Variants in SMAD6 observed in about 807,000 individuals in gnomAD.
SMAD6 encodes the protein MAD homolog 6.
SMAD6 carries 103 observed loss-of-function variants against 39.4 expected under a neutral mutation model. The ratio of observed to expected loss-of-function variants is 2.62; its 90% CI spans 2.23 to 3.08. The LOEUF (loss-of-function observed/expected upper bound fraction) is 3.08. Among genes scored for constraint, SMAD6 ranks in the 30% most tolerant of loss-of-function variants. SMAD6 has a pLI of 0.00. For missense variants in SMAD6, 1,104 were observed against 742.9 expected, an observed-to-expected ratio of 1.49 and a Z score of -5.65; for synonymous variants, 445 against 353.3, an observed-to-expected ratio of 1.26 and a Z score of -2.91.
intron 3 of SMAD6, chr15:66,717,537 A>T: frequency 2.3e-6 from 1 of 437,348 alleles, no homozygotes; most frequent in Non-Finnish European, 4.7e-6. Context: ...TTTCCCCTAA[A>T]GTCCTGTCGT....
Position 66,703,589 on chromosome 15 carries a change from G to C in SMAD6, c.331G>C (p.Gly111Arg). The C allele has an allele frequency of 8.1e-7, 1 of 1,227,248 alleles. No individual in the cohort carries two copies. Among genetic ancestry groups the C allele is most frequent in the Non-Finnish European group, 1.0e-6 (1 of 981,598 alleles). The allele number at this position is 1,227,248 out of a possible 1,614,324, so 76.0% of individuals were successfully genotyped here. Residue 111 changes from glycine to arginine, a missense_variant, in exon 1 of 4, where the codon GGA becomes CGA. Gly to Arg is a moderately radical substitution (Grantham distance 125). Transcript: ENST00000288840. ...GSSLLDVAEPGGPGWLPESDC... is the reference protein window; with the variant it reads ...GSSLLDVAEPRGPGWLPESDC... ...CTCCCTGCTGGACGTGGCGGAGCCGGGAGGCCCGGGCTGGCTGCCCGAGAG... is the reference window on the plus strand; with the variant it reads ...CTCCCTGCTGGACGTGGCGGAGCCGCGAGGCCCGGGCTGGCTGCCCGAGAG...
intron 3 of SMAD6, among the ~76,000 whole-genome samples, chr15:66,761,935 CCCCAGACACCAGAGT>C: frequency 1.3e-5 from 2 of 152,104 alleles, no homozygotes; most frequent in South Asian, 4.1e-4. Flanking sequence ...TGTGTGGATT[CCCCAGACACCAGAGT>C]CCATTTTGAA....
intron 1 of SMAD6, chr15:66,707,007 CTG>C (rs1255974724): frequency 2.0e-5 from 3 of 152,332 alleles, no homozygotes; most frequent in South Asian, 2.1e-4. Flanking sequence ...GTCTCGGAAA[CTG>C]GGGTCCTCAG....
chr15:66,769,130 C>T (rs1012630992), intron 3 of SMAD6, among the ~76,000 whole-genome samples: 3 of 152,100 alleles, frequency 2.0e-5, no homozygotes, highest in Admixed American at 1.3e-4. Flanking sequence ...GTTGTCAAGC[C>T]CTTCTCGAAA....
At chr15:66,762,886 G>T (rs1894224838) in intron 3 of SMAD6, among the ~76,000 whole-genome samples, 1 of 152,092 alleles carries the variant, frequency 6.6e-6, no homozygotes, top group Non-Finnish European at 1.5e-5. Context: ...AGGGGAAGAT[G>T]CAGAGGAGTT....
intron 3 of SMAD6, among the ~76,000 whole-genome samples, chr15:66,761,611 G>A (rs1474862906): frequency 1.3e-5 from 2 of 152,158 alleles, no homozygotes; most frequent in Non-Finnish European, 2.9e-5. Context: ...AGGACGGGGG[G>A]CCCTTCCTCC....
intron 3 of SMAD6, among the ~76,000 whole-genome samples, chr15:66,762,726 C>T (rs1349442213): frequency 6.6e-6 from 1 of 152,118 alleles, no homozygotes; most frequent in Admixed American, 6.5e-5. Context: ...TAAAGAATCC[C>T]TTCCATCAAC....
At chr15:66,778,395 C>G (rs1894503256) in intron 3 of SMAD6, among the ~76,000 whole-genome samples, 1 of 152,224 alleles carries the variant, frequency 6.6e-6, no homozygotes, top group South Asian at 2.1e-4. Context: ...GTCGCTTCCC[C>G]TGCCCCCTGT....
In SMAD6 at chr15:66,703,457, C is replaced by T; in HGVS notation, c.199C>T (p.Arg67Trp). The change falls in exon 1 of 4, where the codon CGG (arginine) becomes TGG (tryptophan). Residue 67 changes from arginine to tryptophan, a missense_variant. By Grantham distance (101) the Arg-to-Trp change is moderately radical. Transcript: ENST00000288840. Reference sequence around the variant, plus strand: ...CGAAGTCCGCCCGGTAGCCCCGCGGCGGCCCCGGGACGCAGTGGGACAGCG... The same window carrying T: ...CGAAGTCCGCCCGGTAGCCCCGCGGTGGCCCCGGGACGCAGTGGGACAGCG... ...RSEVRPVAPRRPRDAVGQRGA... is the reference protein window; with the variant it reads ...RSEVRPVAPRWPRDAVGQRGA... 1 of 1,270,784 alleles carries T rather than the reference C, an allele frequency of 7.9e-7. No individual in the cohort carries two copies. The allele number at this position is 1,270,784 out of a possible 1,614,324, so 78.7% of individuals were successfully genotyped here.
At chr15:66,704,175 G>T (rs565969878) in intron 1 of SMAD6, 100 bp downstream of exon 1, 406 of 997,052 alleles carry the variant, frequency 4.1e-4, no homozygotes, top group Non-Finnish European at 5.1e-4. Context: ...AGCTGCGGGT[G>T]CTCCCCCGGG....
Position 66,757,182 on chromosome 15 carries a change from G to A in SMAD6, c.953-23815G>A, listed in dbSNP as rs555988021. Among the ~76,000 whole-genome samples the A allele has an allele frequency of 1.8e-3, 277 of 152,238 alleles. 3 individuals carry two copies. Among genetic ancestry groups the A allele is most frequent in the Non-Finnish European group, 3.2e-3 (221 of 68,006 alleles). Reference sequence around the variant, plus strand: ...AATAGAGCGGGCTGGTGTGAGACACGCAAAACACAGCAGACGTCCAGGGAA... The same window carrying A: ...AATAGAGCGGGCTGGTGTGAGACACACAAAACACAGCAGACGTCCAGGGAA... On this transcript the variant is annotated intron_variant, in intron 3 of 3. Transcript: ENST00000288840.
chr15:66,735,072 C>G (rs748205566), intron 3 of SMAD6, among the ~76,000 whole-genome samples: 6 of 152,200 alleles, frequency 3.9e-5, no homozygotes, highest in Admixed American at 6.5e-5. Context: ...TCATGCCATC[C>G]CCTGCTTTTA....
intron 3 of SMAD6, among the ~76,000 whole-genome samples, chr15:66,741,805 A>G (rs1337080638): frequency 6.6e-6 from 1 of 152,186 alleles, no homozygotes; most frequent in Non-Finnish European, 1.5e-5. Flanking sequence ...ATGCCCCGAG[A>G]GATTCCAATT....
At chr15:66,735,793 G>T (rs1893702766) in intron 3 of SMAD6, among the ~76,000 whole-genome samples, 1 of 152,010 alleles carries the variant, frequency 6.6e-6, no homozygotes. Context: ...AGGCACGTGT[G>T]CATGCACACA....
At chr15:66,713,050 C>G (rs1203078465) in intron 2 of SMAD6, among the ~76,000 whole-genome samples, 2 of 152,150 alleles carry the variant, frequency 1.3e-5, no homozygotes, top group Non-Finnish European at 1.5e-5. Context: ...TCTGTTTCCT[C>G]TAGTGGGGTT....
intron 3 of SMAD6, among the ~76,000 whole-genome samples, chr15:66,764,294 A>C (rs1894253610): frequency 6.6e-6 from 1 of 152,192 alleles, no homozygotes; most frequent in South Asian, 2.1e-4. Flanking sequence ...TGTTTATCAA[A>C]ACTTTTTTTT....
intron 3 of SMAD6, among the ~76,000 whole-genome samples, chr15:66,724,294 G>A (rs997321218): frequency 6.6e-6 from 1 of 151,762 alleles, no homozygotes; most frequent in African/African-American, 2.4e-5. Context: ...TGGAATGAAT[G>A]AATGAATGAA....
intron 3 of SMAD6, among the ~76,000 whole-genome samples, chr15:66,765,087 G>C (rs1425391925): frequency 3.3e-5 from 5 of 152,186 alleles, no homozygotes; most frequent in Non-Finnish European, 7.3e-5. Context: ...GAAGATGCTT[G>C]AATGACTTTA....
chr15:66,717,388 T>C (rs1893350357), intron 3 of SMAD6: 3 of 456,110 alleles, frequency 6.6e-6, no homozygotes, highest in Non-Finnish European at 1.3e-5. Context: ...GTGTATGCTA[T>C]GGCCGGCACT....
Sources: gnomAD v4.1 joint callset for allele counts (sites outside exome capture counted in the v4.1 genomes callset) on GRCh38, gnomAD v4.1.1 for gene constraint, MANE v1.5 for transcripts, NCBI Gene and HGNC (gene_info 2026-07-23, HGNC 2026-07-21) for gene names.